The following MAST2 variants were observed in gnomAD, a reference collection of about 807,000 sequenced individuals.
MAST2 encodes the protein microtubule-associated serine/threonine-protein kinase 2.
MAST2 carries 70 observed loss-of-function variants against 147.4 expected under a neutral mutation model. The observed-to-expected ratio is 0.47, with a 90% CI of 0.39 to 0.58. The LOEUF (loss-of-function observed/expected upper bound fraction) is 0.58. MAST2 is among the 20% of genes least tolerant of loss of function. The probability of loss-of-function intolerance (pLI) is 0.00; values close to 1 mark genes in which losing one functional copy is unlikely to be tolerated. For synonymous variants in MAST2, 869 were observed against 896.8 expected, an observed-to-expected ratio of 0.97 and a Z score of 0.55; for missense variants, 2,080 against 2,302.3, an observed-to-expected ratio of 0.90 and a Z score of 1.98.
rs144168668 is a variant in MAST2 at position 45,903,540 on chromosome 1, C to T, written c.500+21145C>T. 6.7e-4 allele frequency among the ~76,000 whole-genome samples: 102 copies of T among 152,282 alleles called. 1 individual carries two copies. Among genetic ancestry groups the T allele is most frequent in the African/African-American group, 2.3e-3 (96 of 41,554 alleles). On this transcript the variant is annotated intron_variant, in intron 4 of 28. Transcript: ENST00000361297. ...AACATTTTTTGATTTCTGCCTTAAT[C>T]TCATTGTTTACTGTAAAGTCATTCG...
chr1:46,033,737 T>C (rs1300389405), intron 26 of MAST2, 65 bp from the exon 27 acceptor site: 19 of 1,585,110 alleles, frequency 1.2e-5, no homozygotes, highest in South Asian at 4.5e-5. Context: ...AAGGGAAGGA[T>C]TGGGGGAGGG....
intron 4 of MAST2, among the ~76,000 whole-genome samples, chr1:45,934,983 T>C (rs2148745310): frequency 6.6e-6 from 1 of 152,366 alleles, no homozygotes; most frequent in Middle Eastern, 3.4e-3. Flanking sequence ...CCAAACTGCT[T>C]TCCACAGAGG....
At chr1:45,904,606 T>C (rs555138839) in intron 4 of MAST2, among the ~76,000 whole-genome samples, 1 of 152,080 alleles carries the variant, frequency 6.6e-6, no homozygotes, top group South Asian at 2.1e-4. Flanking sequence ...GCTGGGACTA[T>C]AGACACATGC....
intron 4 of MAST2, among the ~76,000 whole-genome samples, chr1:45,953,716 G>C (rs557561306): frequency 6.6e-6 from 1 of 152,216 alleles, no homozygotes; most frequent in Non-Finnish European, 1.5e-5. Flanking sequence ...CCTGTGGAAG[G>C]TTTTGAGCAG....
chr1:45,983,344 G>C (rs1022566972), intron 5 of MAST2, among the ~76,000 whole-genome samples: 2 of 152,132 alleles, frequency 1.3e-5, no homozygotes, highest in African/African-American at 4.8e-5. Flanking sequence ...CTTTGACTTA[G>C]AAGGTGTTGT....
At chr1:45,809,611 G>A (rs920942967) in intron 1 of MAST2, among the ~76,000 whole-genome samples, 3 of 152,190 alleles carry the variant, frequency 2.0e-5, no homozygotes, top group African/African-American at 7.2e-5. Context: ...CAGTCTGGGT[G>A]ACAGAATGAG....
chr1:45,860,835 A>G lies in MAST2; in HGVS notation c.469-21529A>G, dbSNP rs892368896. ...CGACAAGAGCGAAACTCCGTCTCCA[A>G]AAAAAAAAATCTTACTACTCCTCTC... is the stretch of plus-strand genomic sequence containing the variant. On this transcript the variant is annotated intron_variant, in intron 3 of 28. Coordinates refer to ENST00000361297, the MANE Select transcript of MAST2 (RefSeq NM_015112.3). Among the ~76,000 whole-genome samples the G allele has an allele frequency of 4.6e-5, 7 of 150,844 alleles. No individual in the cohort carries two copies. The East Asian group carries it at 7.7e-4, about 17-fold the overall frequency.
chr1:46,023,053 TCTG>T lies in MAST2; in HGVS notation c.1485+83_1485+85del. On this transcript the variant is annotated intron_variant, in intron 13 of 28. Coordinates refer to ENST00000361297, the MANE Select transcript of MAST2 (RefSeq NM_015112.3). The surrounding 1 kb of genome is among the most constrained non-coding windows in gnomAD (Gnocchi z 4.9). ...GCTATGAATTCTCTTTAAGAGAATA[TCTG>T]AGGAAGGGATGGGGGAGTTGGTGAC... 1 of 1,381,326 alleles carries T rather than the reference TCTG, an allele frequency of 7.2e-7. No individual in the cohort carries two copies. Among genetic ancestry groups the T allele is most frequent in the Non-Finnish European group, 1.0e-6 (1 of 973,474 alleles). 85.6% of individuals were successfully genotyped at this position (1,381,326 alleles called of 1,614,324 possible). A position where few individuals can be genotyped will look rare whatever the true frequency, so the allele number is the denominator to read the frequency against.
intron 5 of MAST2, among the ~76,000 whole-genome samples, chr1:45,991,532 T>G (rs1383825729): frequency 1.3e-5 from 2 of 152,204 alleles, no homozygotes; most frequent in African/African-American, 2.4e-5. Context: ...TCTCATTTAT[T>G]TAGATCTTTG....
chr1:45,806,247 C>A (rs1352164581), intron 1 of MAST2, among the ~76,000 whole-genome samples: 1 of 152,186 alleles, frequency 6.6e-6, no homozygotes, highest in Non-Finnish European at 1.5e-5. Context: ...ACTAATACTT[C>A]ATATAAATGG....
At chr1:45,845,197 A>G (rs940535625) in intron 3 of MAST2, among the ~76,000 whole-genome samples, 7 of 152,192 alleles carry the variant, frequency 4.6e-5, no homozygotes, top group Non-Finnish European at 2.9e-5. Context: ...GAGAACGTTT[A>G]TGCAAGTTTT....
chr1:45,813,496 A>AT (rs34566447), intron 1 of MAST2, among the ~76,000 whole-genome samples: 330 of 134,612 alleles, frequency 2.5e-3, no homozygotes, highest in Middle Eastern at 3.9e-3. Context: ...CGCCTGGCCA[A>AT]TTTTTTTTTT....
At chr1:45,926,611 A>AT (rs1338355394) in intron 4 of MAST2, among the ~76,000 whole-genome samples, 4 of 152,120 alleles carry the variant, frequency 2.6e-5, no homozygotes, top group East Asian at 1.9e-4. Context: ...CTAAAAGACC[A>AT]TTTTTTGGCA....
chr1:45,943,011 G>C (rs1421455730), intron 4 of MAST2, among the ~76,000 whole-genome samples: 2 of 152,168 alleles, frequency 1.3e-5, no homozygotes, highest in African/African-American at 2.4e-5. Context: ...CCCCAATTCT[G>C]TCCTGGAGAA....
intron 4 of MAST2, among the ~76,000 whole-genome samples, chr1:45,947,306 TAAAAAA>T (rs55827908): frequency 6.2e-5 from 7 of 112,656 alleles, no homozygotes; most frequent in East Asian, 2.6e-4. Context: ...TGATGAGCTT[TAAAAAA>T]AAAAAAAAAA....
At chr1:45,822,334 A>ATT (rs1644663005) in intron 1 of MAST2, among the ~76,000 whole-genome samples, 1 of 152,166 alleles carries the variant, frequency 6.6e-6, no homozygotes, top group Non-Finnish European at 1.5e-5. Flanking sequence ...AAAAGTTCAA[A>ATT]TTTCATATTT....
At chr1:45,997,607 C>T in intron 5 of MAST2, 117 bp from the exon 6 acceptor site, 1 of 748,502 alleles carries the variant, frequency 1.3e-6, no homozygotes, top group Admixed American at 2.0e-5. Context: ...CTGATAGTGG[C>T]CCTGAGAAAA....
chr1:45,977,487 T>A (rs1644214674), intron 5 of MAST2, among the ~76,000 whole-genome samples: 1 of 146,258 alleles, frequency 6.8e-6, no homozygotes, highest in South Asian at 2.1e-4. Context: ...AAACTCTATC[T>A]CAAACAAACA....
At chr1:45,838,583 A>T (rs1417455220) in intron 3 of MAST2, among the ~76,000 whole-genome samples, 2 of 151,674 alleles carry the variant, frequency 1.3e-5, no homozygotes, top group South Asian at 2.1e-4. Context: ...TTGTCTATTT[A>T]AAAAAAAATT....
Sources: allele counts gnomAD v4.1 joint callset (sites outside exome capture counted in the v4.1 genomes callset), GRCh38; gene constraint gnomAD v4.1.1; non-coding constraint Gnocchi (gnomAD v3.1); transcripts MANE v1.5; gene names NCBI Gene and HGNC (gene_info 2026-07-23, HGNC 2026-07-21).